Variants in RPS6KC1 observed in about 807,000 individuals in gnomAD.
The protein encoded by RPS6KC1 is inactive ribosomal protein S6 kinase delta-1.
A neutral mutation model predicts 103.8 loss-of-function variants in RPS6KC1; 54 were observed. That is an observed-to-expected ratio of 0.52 (90% confidence interval 0.42 to 0.65). The LOEUF (loss-of-function observed/expected upper bound fraction) is 0.65, where lower values mean the gene tolerates loss of function less well. RPS6KC1 is among the 30% of genes least tolerant of loss of function. The pLI is 0.00. For missense variants in RPS6KC1, 1,151 were observed against 1,253.8 expected (o/e 0.92, Z 1.24); for synonymous variants, 439 against 438.7 (o/e 1.00, Z -0.01).
the RPS6KC1 span, among the ~76,000 whole-genome samples, chr1:213,518,584 C>T: frequency 2.6e-5 from 4 of 152,156 alleles, no homozygotes; most frequent in African/African-American, 4.8e-5. Flanking sequence ...TCTTTAAAGT[C>T]GCTGATGTTA....
At chr1:213,115,403 C>A (rs528953982) in intron 4 of RPS6KC1, among the ~76,000 whole-genome samples, 3,414 of 151,924 alleles carry the variant, frequency 0.022, 135 homozygotes, top group African/African-American at 0.077. Flanking sequence ...GGTGATATCC[C>A]CTTTATCATT....
At chr1:213,402,731 T>C in the RPS6KC1 span, among the ~76,000 whole-genome samples, 3 of 152,170 alleles carry the variant, frequency 2.0e-5, no homozygotes, top group African/African-American at 7.2e-5. Context: ...AATGGGTTCT[T>C]TCCAATAAAC....
At chr1:213,482,776 T>C in the RPS6KC1 span, among the ~76,000 whole-genome samples, 2 of 152,166 alleles carry the variant, frequency 1.3e-5, no homozygotes, top group East Asian at 3.9e-4. Flanking sequence ...CTCGATCTCT[T>C]GACATCGTGA....
intron 8 of RPS6KC1, among the ~76,000 whole-genome samples, chr1:213,218,062 T>G (rs1004431733): frequency 7.2e-5 from 11 of 152,110 alleles, no homozygotes; most frequent in African/African-American, 1.2e-4. Context: ...GGTATTCAAT[T>G]AGGAAAAGAG....
chr1:213,614,235 C>G, the RPS6KC1 span, among the ~76,000 whole-genome samples: 1 of 152,170 alleles, frequency 6.6e-6, no homozygotes, highest in East Asian at 1.9e-4. Flanking sequence ...CTTGGGATCC[C>G]CATTCTAGTT....
chr1:213,569,730 G>A, the RPS6KC1 span, among the ~76,000 whole-genome samples: 427 of 152,288 alleles, frequency 2.8e-3, 2 homozygotes, highest in African/African-American at 1.0e-2. Context: ...TAGATCATTT[G>A]TGGTCAGGGC....
At chr1:213,807,489 T>C in the RPS6KC1 span, among the ~76,000 whole-genome samples, 43 of 152,198 alleles carry the variant, frequency 2.8e-4, no homozygotes, top group Non-Finnish European at 5.3e-4. Context: ...CTTTTTATTC[T>C]TTTTTCTCTA....
chr1:213,217,937 G>A (rs2093712980), intron 8 of RPS6KC1, among the ~76,000 whole-genome samples: 1 of 152,142 alleles, frequency 6.6e-6, no homozygotes, highest in South Asian at 2.1e-4. Context: ...GCAAAACCTG[G>A]AAGCATTCCC....
At chr1:213,409,553 T>A in the RPS6KC1 span, among the ~76,000 whole-genome samples, 1 of 152,064 alleles carries the variant, frequency 6.6e-6, no homozygotes, top group Admixed American at 6.6e-5. Flanking sequence ...CTTAGCTGAT[T>A]TGTGGTTGAA....
the RPS6KC1 span, among the ~76,000 whole-genome samples, chr1:213,327,459 C>G: frequency 3.3e-5 from 5 of 152,206 alleles, no homozygotes; most frequent in African/African-American, 1.2e-4. Flanking sequence ...GCCATGGGGC[C>G]TCTGACTCAC....
At chr1:213,417,941 T>C in the RPS6KC1 span, among the ~76,000 whole-genome samples, 1 of 152,060 alleles carries the variant, frequency 6.6e-6, no homozygotes. Context: ...TGGTCATTGA[T>C]TTTGTAGCCC....
At chr1:213,701,477 G>A in the RPS6KC1 span, among the ~76,000 whole-genome samples, 1 of 151,804 alleles carries the variant, frequency 6.6e-6, no homozygotes, top group Non-Finnish European at 1.5e-5. Context: ...GAGGATTTTT[G>A]TATTAATATT....
At chr1:213,861,286 C>A in the RPS6KC1 span, among the ~76,000 whole-genome samples, 1 of 151,834 alleles carries the variant, frequency 6.6e-6, no homozygotes, top group Non-Finnish European at 1.5e-5. Context: ...AACCTTATCC[C>A]AGGAAGCTAA....
the RPS6KC1 span, among the ~76,000 whole-genome samples, chr1:213,798,306 G>A: frequency 6.6e-6 from 1 of 152,226 alleles, no homozygotes; most frequent in Non-Finnish European, 1.5e-5. Context: ...GAAGTCGCAT[G>A]ACACCCAAGG....
At chr1:213,826,295 C>A in the RPS6KC1 span, among the ~76,000 whole-genome samples, 4 of 152,090 alleles carry the variant, frequency 2.6e-5, 1 homozygote, top group South Asian at 8.3e-4. Flanking sequence ...ACTTTTGAAG[C>A]ACAAATGAAA....
the RPS6KC1 span, among the ~76,000 whole-genome samples, chr1:213,481,109 A>G: frequency 6.6e-6 from 1 of 152,140 alleles, no homozygotes; most frequent in Non-Finnish European, 1.5e-5. Context: ...TGCATTATCA[A>G]CGCTATGTTA....
the RPS6KC1 span, among the ~76,000 whole-genome samples, chr1:213,555,015 G>T: frequency 0.61 from 92,547 of 152,038 alleles, 28,289 homozygotes; most frequent in Non-Finnish European, 0.64. Context: ...GAAAACAACA[G>T]TCATGAATGA....
chr1:213,553,245 A>C, the RPS6KC1 span, among the ~76,000 whole-genome samples: 3 of 152,282 alleles, frequency 2.0e-5, no homozygotes, highest in African/African-American at 7.2e-5. Flanking sequence ...CCCACTTACA[A>C]GTAAGAGCTT....
At chr1:213,290,110 A>G in the RPS6KC1 span, among the ~76,000 whole-genome samples, 7 of 148,008 alleles carry the variant, frequency 4.7e-5, no homozygotes, top group Non-Finnish European at 8.9e-5. Context: ...GCGCCACTGC[A>G]ATCCGGCCTG....
Sources: gnomAD v4.1 joint callset for allele counts (sites outside exome capture counted in the v4.1 genomes callset) on GRCh38, gnomAD v4.1.1 for gene constraint, MANE v1.5 for transcripts, NCBI Gene and HGNC (gene_info 2026-07-23, HGNC 2026-07-21) for gene names.